CBLIF: variants seen among roughly 807,000 people sequenced by gnomAD.
CBLIF encodes gastric intrinsic factor (vitamin B synthesis).
Under a neutral mutation model 44.9 loss-of-function variants are expected in CBLIF, and 24 were observed. The ratio of observed to expected loss-of-function variants is 0.53; its 90% CI spans 0.39 to 0.75. CBLIF has a LOEUF of 0.75. Among genes scored for constraint, CBLIF ranks in the 30% least tolerant of loss-of-function variants. CBLIF has a pLI of 0.00. For missense variants in CBLIF, 481 were observed against 513.0 expected, an observed-to-expected ratio of 0.94 and a Z score of 0.60; for synonymous variants, 183 against 190.9, an observed-to-expected ratio of 0.96 and a Z score of 0.34.
At chr11:59,831,312 A>C (rs1866370204) in intron 8 of CBLIF, among the ~76,000 whole-genome samples, 1 of 152,134 alleles carries the variant, frequency 6.6e-6, no homozygotes, top group Admixed American at 6.6e-5. Context: ...ACTTTTGTAC[A>C]AAGCACATTT....
chr11:59,829,404 T>C lies in CBLIF; in HGVS notation c.*80A>G. 1.1e-6 allele frequency: 1 copy of C among 887,206 alleles called. No individual in the cohort carries two copies. The highest frequency in any genetic ancestry group is 1.9e-6 in the Non-Finnish European group (1 of 519,994). The allele number at this position is 887,206 out of a possible 1,614,324, so 55.0% of individuals were successfully genotyped here. A position where few individuals can be genotyped will look rare whatever the true frequency, so the allele number is the denominator to read the frequency against. ...GGTAGCATCACAGGCATTCGCTTTT[T>C]TGCATAGATTTAAAATGAAGTGGAA... On this transcript the variant is annotated 3_prime_UTR_variant, in exon 9 of 9. Coordinates refer to ENST00000257248, the MANE Select transcript of CBLIF (RefSeq NM_005142.3).
chr11:59,838,851 T>TC (rs1014341620), intron 5 of CBLIF, among the ~76,000 whole-genome samples: 14 of 146,556 alleles, frequency 9.6e-5, no homozygotes, highest in African/African-American at 2.5e-4. Flanking sequence ...TTTCTTTCTT[T>TC]TTTTTTTTTT....
chr11:59,834,276 CT>C (rs1162651849), intron 7 of CBLIF, among the ~76,000 whole-genome samples: 3 of 133,212 alleles, frequency 2.3e-5, no homozygotes, highest in South Asian at 2.5e-4. Context: ...TTCTTTCTTT[CT>C]TTCTTTCTTT....
chr11:59,837,318 C>T lies in CBLIF; in HGVS notation c.727G>A (p.Glu243Lys), dbSNP rs1347451986. ...TCCGTAGTCTTCTTGCAGTTCCATT[C>T]CTTTTTAGATGGCTCAGGTGTTACA... is the stretch of plus-strand genomic sequence containing the variant. The part of the protein sequence containing the change: ...LSVTPEPSKK[E>K]WNCKKTTDMI... The change falls in exon 6 of 9, where the codon GAA becomes AAA. Residue 243 changes from glutamate (E) to lysine (K), a missense_variant. Coordinates refer to ENST00000257248, the MANE Select transcript of CBLIF (RefSeq NM_005142.3). The T allele has an allele frequency of 6.2e-7, 1 of 1,613,440 alleles. No individual in the cohort carries two copies. Among genetic ancestry groups the T allele is most frequent in the Admixed American group, 1.7e-5 (1 of 60,006 alleles).
intron 7 of CBLIF, among the ~76,000 whole-genome samples, chr11:59,834,776 G>C (rs576399220): frequency 6.6e-6 from 1 of 152,216 alleles, no homozygotes; most frequent in East Asian, 1.9e-4. Context: ...TTCTTTGAAA[G>C]ATATTCTTTC....
In CBLIF at chr11:59,845,498, G is replaced by T; in HGVS notation, c.-45C>A. On this transcript the variant is annotated 5_prime_UTR_variant, in exon 1 of 9. Coordinates refer to ENST00000257248, the MANE Select transcript of CBLIF (RefSeq NM_005142.3). ...CTCTCATCCACAGGTACCGCGATTTGCAAGTGGAATATTTCTTTACCTTCT... is the reference window on the plus strand; with the variant it reads ...CTCTCATCCACAGGTACCGCGATTTTCAAGTGGAATATTTCTTTACCTTCT... The T allele has an allele frequency of 8.2e-7, 1 of 1,220,192 alleles. No homozygotes were observed. Among genetic ancestry groups the T allele is most frequent in the Non-Finnish European group, 1.2e-6 (1 of 821,790 alleles). The allele number at this position is 1,220,192 out of a possible 1,614,324, so 75.6% of individuals were successfully genotyped here.
intron 8 of CBLIF, 55 bp from the exon 9 acceptor site, chr11:59,829,600 A>G: frequency 1.9e-6 from 2 of 1,062,674 alleles, no homozygotes; most frequent in South Asian, 2.5e-5. Context: ...AACCACCTCC[A>G]TCCCCCAAGG....
chr11:59,835,628 G>T (rs1866444347), intron 7 of CBLIF, among the ~76,000 whole-genome samples, 180 bp downstream of exon 7: 1 of 152,074 alleles, frequency 6.6e-6, no homozygotes, highest in South Asian at 2.1e-4. Flanking sequence ...ATCATATGTT[G>T]ACTTATATGA....
At chr11:59,833,165 C>CA (rs1866393671) in intron 7 of CBLIF, among the ~76,000 whole-genome samples, 1 of 152,030 alleles carries the variant, frequency 6.6e-6, no homozygotes, top group Non-Finnish European at 1.5e-5. Flanking sequence ...AAAAATTAGG[C>CA]AAAATTAAAG....
Position 59,845,357 on chromosome 11 carries a change from G to GA in CBLIF, c.79+17dup, listed in dbSNP as rs1346148140. 6.2e-7 allele frequency: 1 copy of GA among 1,609,270 alleles called. No homozygotes were observed. Among genetic ancestry groups the GA allele is most frequent in the African/African-American group, 1.3e-5 (1 of 74,862 alleles). ...GGCAACTGCTTCCCTGACCTCCTTG[G>GA]AAAAACATCATACTCACAGCATGAA... On this transcript the variant is annotated intron_variant, in intron 1 of 8. Transcript: ENST00000257248.
rs1161590507 is a variant in CBLIF at position 59,831,659 on chromosome 11, A to G, written c.1192+19T>C. The stretch of plus-strand genomic sequence containing the variant: ...CTTCAGACTATGGAAGATAACGCCT[A>G]TGTCTTTTCTTCCCTCACCTTCATT... On this transcript the variant is annotated intron_variant, in intron 8 of 8. Coordinates refer to ENST00000257248, the MANE Select transcript of CBLIF (RefSeq NM_005142.3). 1 of 1,023,768 alleles carries G rather than the reference A, an allele frequency of 9.8e-7. No individual in the cohort carries two copies. The highest frequency in any genetic ancestry group is 1.7e-5 in the Admixed American group (1 of 59,306). 63.4% of individuals were successfully genotyped at this position (1,023,768 alleles called of 1,614,324 possible).
At position 59,843,869 on chromosome 11, in the gene CBLIF, G is replaced by A. The variant is rs369960390; in HGVS notation, c.256+10C>T. ...ATTCAGGGAGAGTGCGAGCGGCTCAGATGTCTCACCGTTGTTGTCGCTGGA... is the reference window on the plus strand; with the variant it reads ...ATTCAGGGAGAGTGCGAGCGGCTCAAATGTCTCACCGTTGTTGTCGCTGGA... On this transcript the variant is annotated intron_variant, in intron 2 of 8. Transcript: ENST00000257248. 1.7e-4 allele frequency: 277 copies of A among 1,605,892 alleles called. No individual in the cohort carries two copies. The highest frequency in any genetic ancestry group is 2.3e-4 in the Non-Finnish European group (272 of 1,173,300).
chr11:59,844,050 G>T lies in CBLIF; in HGVS notation c.85C>A (p.Pro29Thr). ...STQTQSSCSV[P>T]SAQEPLVNGI... ...TTGACCAAGGGCTCCTGTGCTGAGG[G>T]AACGGCTGAGAAGAGGAAAGCCATT... is the stretch of plus-strand genomic sequence containing the variant. The change falls in exon 2 of 9, where the codon CCC becomes ACC. Residue 29 changes from proline (P) to threonine (T), a missense_variant. Coordinates refer to ENST00000257248, the MANE Select transcript of CBLIF (RefSeq NM_005142.3). The T allele has an allele frequency of 6.2e-7, 1 of 1,612,680 alleles. No individual in the cohort carries two copies. The highest frequency in any genetic ancestry group is 1.1e-5 in the South Asian group (1 of 91,034).
rs763788475 is a variant in CBLIF, at chr11:59,831,830, C to T, written c.1074-34G>A. The T allele has an allele frequency of 3.1e-6, 3 of 970,794 alleles. No individual in the cohort carries two copies. In the Admixed American group the frequency reaches 5.1e-5, roughly 16 times the overall value. 60.1% of individuals were successfully genotyped at this position (970,794 alleles called of 1,614,324 possible). A position where few individuals can be genotyped will look rare whatever the true frequency, so the allele number is the denominator to read the frequency against. ...AAGTTTATATATGATTAACATCTCA[C>T]TTTAGGTCAGGGAATAAGCGGTAAG... On this transcript the variant is annotated intron_variant, in intron 7 of 8. Transcript: ENST00000257248.
intron 8 of CBLIF, among the ~76,000 whole-genome samples, chr11:59,831,323 G>T (rs535336260): frequency 6.6e-6 from 1 of 152,038 alleles, no homozygotes; most frequent in Non-Finnish European, 1.5e-5. Context: ...AAGCACATTT[G>T]TCCTAGAGTT....
chr11:59,832,263 G>C (rs1014351303), intron 7 of CBLIF, among the ~76,000 whole-genome samples: 5 of 152,072 alleles, frequency 3.3e-5, no homozygotes, highest in African/African-American at 1.2e-4. Context: ...TTATAAGTGG[G>C]AGCAAAATGA....
chr11:59,832,008 TTAAATGCTTCAGA>T (rs1262662563), intron 7 of CBLIF, among the ~76,000 whole-genome samples: 2 of 152,188 alleles, frequency 1.3e-5, no homozygotes, highest in Non-Finnish European at 2.9e-5. Flanking sequence ...TAGAGACACT[TTAAATGCTTCAGA>T]TAAATGCTTC....
intron 6 of CBLIF, among the ~76,000 whole-genome samples, chr11:59,836,887 A>G (rs1026263350): frequency 3.3e-5 from 5 of 152,258 alleles, no homozygotes; most frequent in African/African-American, 1.2e-4. Flanking sequence ...GTTGTTTGAT[A>G]GCTGGGACCA....
rs1278021322 is a variant in CBLIF at position 59,829,305 on chromosome 11, A to G, written c.*179T>C. On this transcript the variant is annotated 3_prime_UTR_variant, in exon 9 of 9. Coordinates refer to ENST00000257248, the MANE Select transcript of CBLIF (RefSeq NM_005142.3). ...GATGAAAATTTTATTTTCATGAGTC[A>G]TAGATGTTGAGACTCCAGTGAACTT... 7 of 601,682 alleles carry G rather than the reference A, an allele frequency of 1.2e-5. No homozygotes were observed. The highest frequency in any genetic ancestry group is 4.8e-5 in the Admixed American group (2 of 41,258). 37.3% of individuals were successfully genotyped at this position (601,682 alleles called of 1,614,324 possible). A position where few individuals can be genotyped will look rare whatever the true frequency, so the allele number is the denominator to read the frequency against.
Sources: gnomAD v4.1 joint callset for allele counts (sites outside exome capture counted in the v4.1 genomes callset) on GRCh38, gnomAD v4.1.1 for gene constraint, MANE v1.5 for transcripts, NCBI Gene and HGNC (gene_info 2026-07-23, HGNC 2026-07-21) for gene names.